GABRB2: variants seen among roughly 807,000 people sequenced by gnomAD.
The protein encoded by GABRB2 is gamma-aminobutyric acid type A receptor subunit beta2.
Under a neutral mutation model 54.7 loss-of-function variants are expected in GABRB2, and 16 were observed. The ratio of observed to expected loss-of-function variants is 0.29; its 90% CI spans 0.20 to 0.44. The LOEUF (loss-of-function observed/expected upper bound fraction) is 0.44, where lower values mean the gene tolerates loss of function less well. Among genes scored for constraint, GABRB2 ranks in the 20% least tolerant of loss-of-function variants. GABRB2 has a pLI of 1.00. For missense variants in GABRB2, 355 were observed against 644.0 expected (o/e 0.55, Z 4.86); for synonymous variants, 244 against 233.8 (o/e 1.04, Z -0.40).
At chr5:161,411,214 A>G (rs1296339211) in intron 4 of GABRB2, among the ~76,000 whole-genome samples, 157 bp from the exon 5 acceptor site, 2 of 152,212 alleles carry the variant, frequency 1.3e-5, no homozygotes, top group Non-Finnish European at 2.9e-5. Flanking sequence ...TATGAATCTC[A>G]CACTGATTCA....
At chr5:161,384,967 A>C (rs1455567452) in intron 5 of GABRB2, among the ~76,000 whole-genome samples, 2 of 152,118 alleles carry the variant, frequency 1.3e-5, no homozygotes, top group Non-Finnish European at 2.9e-5. Flanking sequence ...ATCCTCTGCC[A>C]TCCTCTCAAA....
At chr5:161,424,681 C>G (rs78604937) in intron 4 of GABRB2, among the ~76,000 whole-genome samples, 1 of 152,078 alleles carries the variant, frequency 6.6e-6, no homozygotes, top group East Asian at 1.9e-4. Flanking sequence ...TTTAGGCCTG[C>G]TACCATGACA....
chr5:161,472,591 T>C (rs972047196), intron 3 of GABRB2, among the ~76,000 whole-genome samples: 23 of 152,036 alleles, frequency 1.5e-4, no homozygotes, highest in Admixed American at 1.5e-3. Flanking sequence ...GTTGTGCAGG[T>C]ATACACGTGC....
intron 5 of GABRB2, among the ~76,000 whole-genome samples, chr5:161,358,774 G>T (rs1159625198): frequency 6.6e-6 from 1 of 152,160 alleles, no homozygotes; most frequent in Non-Finnish European, 1.5e-5. Flanking sequence ...TGAGAATGCA[G>T]AAAGAGGTGT....
chr5:161,467,610 T>C (rs1274570419), intron 3 of GABRB2, among the ~76,000 whole-genome samples: 1 of 152,116 alleles, frequency 6.6e-6, no homozygotes, highest in Admixed American at 6.6e-5. Flanking sequence ...GTATTTCAGT[T>C]TTTTTGTCAG....
intron 3 of GABRB2, among the ~76,000 whole-genome samples, chr5:161,520,022 A>G (rs1760069284): frequency 6.6e-6 from 1 of 152,118 alleles, no homozygotes; most frequent in African/African-American, 2.4e-5. Context: ...ATACTATATT[A>G]GATTTTGCAT....
At chr5:161,427,972 A>G (rs1355097791) in intron 4 of GABRB2, among the ~76,000 whole-genome samples, 1 of 152,136 alleles carries the variant, frequency 6.6e-6, no homozygotes, top group African/African-American at 2.4e-5. Flanking sequence ...GCTGTGACAC[A>G]ACTGATTTTA....
intron 5 of GABRB2, among the ~76,000 whole-genome samples, chr5:161,381,305 T>G (rs192517504): frequency 1.1e-4 from 16 of 152,274 alleles, no homozygotes; most frequent in African/African-American, 3.1e-4. Context: ...ATATCAGATA[T>G]TCAGTGAATG....
At chr5:161,477,836 G>C (rs1197111870) in intron 3 of GABRB2, among the ~76,000 whole-genome samples, 1 of 151,908 alleles carries the variant, frequency 6.6e-6, no homozygotes, top group African/African-American at 2.4e-5. Flanking sequence ...GTCGTTTACA[G>C]GGTATAGGGC....
At chr5:161,337,270 T>A (rs1014496024) in intron 5 of GABRB2, among the ~76,000 whole-genome samples, 1 of 152,298 alleles carries the variant, frequency 6.6e-6, no homozygotes, top group Admixed American at 6.5e-5. Flanking sequence ...ATATAAAATA[T>A]ATGAATTACA....
chr5:161,450,881 A>G (rs1160614651), intron 4 of GABRB2, among the ~76,000 whole-genome samples: 2 of 152,130 alleles, frequency 1.3e-5, no homozygotes, highest in African/African-American at 4.8e-5. Flanking sequence ...ATACAGGTGG[A>G]GACAGGTGCT....
In GABRB2 at chr5:161,317,786, G is replaced by T. The variant is rs557899454; in HGVS notation, c.1191+8582C>A. 2.0e-5 allele frequency among the ~76,000 whole-genome samples: 3 copies of T among 152,042 alleles called. No individual in the cohort carries two copies. In the East Asian group the frequency reaches 5.8e-4, roughly 29 times the overall value. On this transcript the variant is annotated intron_variant, in intron 9 of 9. Coordinates refer to ENST00000393959, the MANE Select transcript of GABRB2 (RefSeq NM_001371727.1). The stretch of plus-strand genomic sequence containing the variant: ...ACTCTTGAAACTGAAAACAAAAAAA[G>T]CCCTTAATAAAAATGGGTAAGAATA...
chr5:161,312,207 C>T (rs1329801119), intron 9 of GABRB2, among the ~76,000 whole-genome samples: 1 of 152,146 alleles, frequency 6.6e-6, no homozygotes, highest in Non-Finnish European at 1.5e-5. Flanking sequence ...CAGTGAATTA[C>T]CCCAGTGAGT....
chr5:161,417,079 A>G (rs770020811), intron 4 of GABRB2, among the ~76,000 whole-genome samples: 1 of 152,194 alleles, frequency 6.6e-6, no homozygotes, highest in African/African-American at 2.4e-5. Flanking sequence ...ACGTCACTTC[A>G]AAAAATTCTT....
At chr5:161,495,593 T>C (rs1424439353) in intron 3 of GABRB2, among the ~76,000 whole-genome samples, 1 of 152,060 alleles carries the variant, frequency 6.6e-6, no homozygotes. Flanking sequence ...CTCAAAATAG[T>C]GTATTCTATA....
rs1237952955 is a variant in GABRB2 at position 161,341,937 on chromosome 5, TTATATATATATATA to T, written c.542-5182_542-5169del. ...TTAATGCCACTATTTATTTTTTCTT[TTATATATATATATA>T]TATATATATATATATATACATACTT... On this transcript the variant is annotated intron_variant, in intron 5 of 9. Transcript: ENST00000393959. Among the ~76,000 whole-genome samples the T allele has an allele frequency of 2.6e-4, 20 of 75,694 alleles. No homozygotes were observed. The East Asian group carries it at 3.2e-3, about 12-fold the overall frequency. The allele number at this position is 75,694 out of a possible 152,430, so 49.7% of individuals were successfully genotyped here. A position where few individuals can be genotyped will look rare whatever the true frequency, so the allele number is the denominator to read the frequency against.
Position 161,313,102 on chromosome 5 carries a change from C to T in GABRB2, c.1191+13266G>A, listed in dbSNP as rs1271372773. On this transcript the variant is annotated intron_variant, in intron 9 of 9. Coordinates refer to ENST00000393959, the MANE Select transcript of GABRB2 (RefSeq NM_001371727.1). ...CAATGCCAGGGACTGAGGAAGGATGCAGGTCAAGCTGTTATGTCCTGTGAA... is the reference window on the plus strand; with the variant it reads ...CAATGCCAGGGACTGAGGAAGGATGTAGGTCAAGCTGTTATGTCCTGTGAA... Among the ~76,000 whole-genome samples, 4 of 152,140 alleles carry T rather than the reference C, an allele frequency of 2.6e-5. No homozygotes were observed. The East Asian group carries it at 7.7e-4, about 29-fold the overall frequency.
chr5:161,420,548 G>T (rs1383561918), intron 4 of GABRB2, among the ~76,000 whole-genome samples: 3 of 152,158 alleles, frequency 2.0e-5, no homozygotes, highest in Non-Finnish European at 4.4e-5. Context: ...GGGAGACCAG[G>T]GAAATTGTCT....
At chr5:161,357,870 C>A (rs1754684940) in intron 5 of GABRB2, among the ~76,000 whole-genome samples, 1 of 152,046 alleles carries the variant, frequency 6.6e-6, no homozygotes, top group African/African-American at 2.4e-5. Context: ...AGGGAAGGCT[C>A]CATGCATTAC....
Sources: allele counts gnomAD v4.1 joint callset (sites outside exome capture counted in the v4.1 genomes callset), GRCh38; gene constraint gnomAD v4.1.1; transcripts MANE v1.5; gene names NCBI Gene and HGNC (gene_info 2026-07-23, HGNC 2026-07-21).